ANTXR2: variants seen among roughly 807,000 people sequenced by gnomAD.
The protein encoded by ANTXR2 is anthrax toxin receptor 2.
ANTXR2 carries 44 observed loss-of-function variants against 73.7 expected under a neutral mutation model. The ratio of observed to expected loss-of-function variants is 0.60; its 90% confidence interval spans 0.47 to 0.77. The LOEUF is 0.77. Among genes scored for constraint, ANTXR2 ranks in the 30% least tolerant of loss-of-function variants. The pLI is 0.00. For missense variants in ANTXR2, 604 were observed against 592.5 expected (o/e 1.02, Z -0.20); for synonymous variants, 217 against 205.9 (o/e 1.05, Z -0.46).
intron 10 of ANTXR2, among the ~76,000 whole-genome samples, chr4:80,024,909 G>T (rs989495742): frequency 2.0e-5 from 3 of 152,220 alleles, no homozygotes; most frequent in African/African-American, 7.2e-5. Flanking sequence ...ACCTTGTGCA[G>T]ATAATACAGG....
At chr4:80,001,424 A>C (rs973424549) in intron 12 of ANTXR2, among the ~76,000 whole-genome samples, 1 of 150,870 alleles carries the variant, frequency 6.6e-6, no homozygotes, top group South Asian at 2.1e-4. Flanking sequence ...AAGAACAAAA[A>C]ACCAAACACC....
chr4:79,975,585 T>C (rs1442665076), intron 16 of ANTXR2, among the ~76,000 whole-genome samples: 3 of 152,196 alleles, frequency 2.0e-5, no homozygotes, highest in Non-Finnish European at 4.4e-5. Flanking sequence ...ACCCAGCACT[T>C]AATAAGGTGA....
At chr4:80,001,985 C>A (rs1731065512) in intron 12 of ANTXR2, among the ~76,000 whole-genome samples, 1 of 151,960 alleles carries the variant, frequency 6.6e-6, no homozygotes, top group African/African-American at 2.4e-5. Context: ...CCATACTGCC[C>A]AAGGTAATTT....
At chr4:80,045,286 C>T (rs1733467133) in intron 7 of ANTXR2, among the ~76,000 whole-genome samples, 1 of 151,718 alleles carries the variant, frequency 6.6e-6, no homozygotes, top group Admixed American at 6.6e-5. Context: ...AGGATCAACT[C>T]TAAATAATAA....
chr4:79,964,498 C>T (rs1729273390), intron 16 of ANTXR2, among the ~76,000 whole-genome samples: 1 of 152,140 alleles, frequency 6.6e-6, no homozygotes, highest in Non-Finnish European at 1.5e-5. Context: ...ACCTGCTGTC[C>T]CCTGTCACTC....
chr4:80,022,384 T>A (rs1732206999), intron 10 of ANTXR2, among the ~76,000 whole-genome samples: 1 of 152,226 alleles, frequency 6.6e-6, no homozygotes, highest in Non-Finnish European at 1.5e-5. Flanking sequence ...TAAACTTTGC[T>A]GCTTCTTTAG....
rs570896111 is a variant in ANTXR2, at chr4:79,907,249, A to G, written c.*180T>C. On this transcript the variant is annotated 3_prime_UTR_variant, in exon 17 of 17. Coordinates refer to ENST00000403729, the MANE Select transcript of ANTXR2 (RefSeq NM_058172.6). Reference sequence around the variant, plus strand: ...CACCTCCCATGTAGATGGCAGAACAAGTGTTTAGAAATGTTTGGTGCAAGC... The same window carrying G: ...CACCTCCCATGTAGATGGCAGAACAGGTGTTTAGAAATGTTTGGTGCAAGC... 1 of 666,664 alleles carries G rather than the reference A, an allele frequency of 1.5e-6. No individual in the cohort carries two copies. The highest frequency in any genetic ancestry group is 1.8e-5 in the South Asian group (1 of 55,276). 41.3% of individuals were successfully genotyped at this position (666,664 alleles called of 1,614,324 possible).
intron 10 of ANTXR2, among the ~76,000 whole-genome samples, chr4:80,020,134 T>C (rs1732087325): frequency 6.6e-6 from 1 of 152,064 alleles, no homozygotes; most frequent in Admixed American, 6.6e-5. Flanking sequence ...TCCCAGCCCT[T>C]TGGAAGGCTG....
intron 7 of ANTXR2, among the ~76,000 whole-genome samples, chr4:80,040,865 G>T (rs1733208238): frequency 6.6e-6 from 1 of 151,822 alleles, no homozygotes; most frequent in African/African-American, 2.4e-5. Context: ...TAGTATTAAG[G>T]AGTATTTACA....
chr4:79,945,523 G>A (rs1192188234), intron 16 of ANTXR2, among the ~76,000 whole-genome samples: 1 of 151,998 alleles, frequency 6.6e-6, no homozygotes, highest in African/African-American at 2.4e-5. Context: ...AAATAAAGCA[G>A]GGAGTTTATA....
intron 8 of ANTXR2, among the ~76,000 whole-genome samples, chr4:80,034,263 C>A (rs1732850679): frequency 6.6e-6 from 1 of 152,106 alleles, no homozygotes; most frequent in African/African-American, 2.4e-5. Flanking sequence ...TGAAAGTTAA[C>A]TGATCAAATA....
At chr4:80,019,843 T>C (rs1256274498) in intron 10 of ANTXR2, among the ~76,000 whole-genome samples, 1 of 152,216 alleles carries the variant, frequency 6.6e-6, no homozygotes, top group East Asian at 1.9e-4. Context: ...AGTTAAAATA[T>C]AGTTCTTATT....
In ANTXR2 at chr4:80,055,938, T is replaced by C. The variant is rs769577508; in HGVS notation, c.372A>G (p.Leu124=). ...PVGETYIHEG[L]KLANEQIQKA... ...CAAATGTAAAATAACTTACTAGCTT[T>C]AGTCCTTCATGGATATATGTCTCTC... Residue 124 remains leucine (L), a synonymous_variant, in exon 4 of 17, where the codon CTA becomes CTG. Coordinates refer to ENST00000403729, the MANE Select transcript of ANTXR2 (RefSeq NM_058172.6). 5 of 1,541,116 alleles carry C rather than the reference T, an allele frequency of 3.2e-6. No individual in the cohort carries two copies. The highest frequency in any genetic ancestry group is 3.5e-6 in the Non-Finnish European group (4 of 1,141,978).
intron 16 of ANTXR2, among the ~76,000 whole-genome samples, chr4:79,922,527 A>G (rs1387905265): frequency 6.6e-6 from 1 of 152,160 alleles, no homozygotes; most frequent in Admixed American, 6.6e-5. Context: ...TAAACATTTA[A>G]CACATACAAG....
At position 80,035,887 on chromosome 4, in the gene ANTXR2, T is replaced by A. The variant is rs901545872; in HGVS notation, c.697+85A>T. ...AAAAAAGTTAATTTTGCTATTCTTT[T>A]TCCAACATGAGTTTCATATCATATA... On this transcript the variant is annotated intron_variant, in intron 8 of 16. Transcript: ENST00000403729. The A allele has an allele frequency of 1.6e-5, 19 of 1,169,344 alleles. No homozygotes were observed. In the African/African-American group the frequency reaches 3.0e-4, roughly 19 times the overall value. 72.4% of individuals were successfully genotyped at this position (1,169,344 alleles called of 1,614,324 possible).
intron 16 of ANTXR2, among the ~76,000 whole-genome samples, chr4:79,954,781 G>A (rs913986333): frequency 2.6e-5 from 4 of 152,100 alleles, no homozygotes; most frequent in Non-Finnish European, 5.9e-5. Context: ...CCAGACCGGA[G>A]GGCAGAGGCC....
intron 16 of ANTXR2, among the ~76,000 whole-genome samples, chr4:79,966,883 T>G (rs1274828718): frequency 3.3e-5 from 5 of 151,556 alleles, no homozygotes; most frequent in African/African-American, 1.2e-4. Context: ...TTTACTGTGC[T>G]GGCGACTATA....
In ANTXR2 at chr4:80,072,476, C is replaced by A. The variant is rs772518665; in HGVS notation, c.85G>T (p.Gly29Trp). Reference sequence around the variant, plus strand: ...GGCTGCTCCTGGGCGCGCAGCAGCCCCCCGGGACCGCTGAGCACCAACAGC... The same window carrying A: ...GGCTGCTCCTGGGCGCGCAGCAGCCACCCGGGACCGCTGAGCACCAACAGC... ...LWLLVLSGPG[G>W]LLRAQEQPSC... The change falls in exon 1 of 17, where the codon GGG (glycine) becomes TGG (tryptophan). Residue 29 changes from glycine (G) to tryptophan (W), a missense_variant. Physicochemically the swap from Gly to Trp is radical, Grantham distance 184. Transcript: ENST00000403729. 3 of 1,610,486 alleles carry A rather than the reference C, an allele frequency of 1.9e-6. No homozygotes were observed. Among genetic ancestry groups the A allele is most frequent in the African/African-American group, 1.3e-5 (1 of 74,502 alleles).
rs577503255 is a variant in ANTXR2 at position 80,032,369 on chromosome 4, G to A, written c.797-677C>T. ...AATATGTAATCAAAAGGAGCTAGGT[G>A]AAGCTAATGCTTAGATACAAATGAC... On this transcript the variant is annotated intron_variant, in intron 9 of 16. Coordinates refer to ENST00000403729, the MANE Select transcript of ANTXR2 (RefSeq NM_058172.6). 1.8e-4 allele frequency among the ~76,000 whole-genome samples: 28 copies of A among 151,902 alleles called. 1 individual carries two copies. Among genetic ancestry groups the A allele is most frequent in the African/African-American group, 6.3e-4 (26 of 41,530 alleles).
Sources: gnomAD v4.1 joint callset for allele counts (sites outside exome capture counted in the v4.1 genomes callset) on GRCh38, gnomAD v4.1.1 for gene constraint, MANE v1.5 for transcripts, NCBI Gene and HGNC (gene_info 2026-07-23, HGNC 2026-07-21) for gene names.